The following PLEK2 variants were observed in gnomAD, a reference collection of about 807,000 sequenced individuals.
PLEK2 encodes the protein pleckstrin 2, also known as pleckstrin-2.
A neutral mutation model predicts 43.8 loss-of-function variants in PLEK2; 29 were observed. The observed-to-expected ratio is 0.66, with a 90% CI of 0.49 to 0.90. The LOEUF is 0.90. Ranked by LOEUF, PLEK2 falls within the 40% of genes least tolerant of loss-of-function variation. PLEK2 has a pLI of 0.00. For synonymous variants in PLEK2, 162 were observed against 173.2 expected, an observed-to-expected ratio of 0.94 and a Z score of 0.51; for missense variants, 398 against 448.1, an observed-to-expected ratio of 0.89 and a Z score of 1.01.
At chr14:67,410,428 T>C (rs943923145) in intron 1 of PLEK2, among the ~76,000 whole-genome samples, 9 of 152,072 alleles carry the variant, frequency 5.9e-5, no homozygotes, top group African/African-American at 1.7e-4. Context: ...AATGTGAGAT[T>C]AGGAGCTCCC....
chr14:67,395,891 C>T (rs939498616), intron 2 of PLEK2, among the ~76,000 whole-genome samples: 4 of 152,140 alleles, frequency 2.6e-5, no homozygotes, highest in African/African-American at 9.7e-5. Context: ...TATGACAGCC[C>T]CTACACTGAA....
At chr14:67,395,673 G>A (rs2086003324) in intron 2 of PLEK2, 90 bp from the exon 3 acceptor site, 1 of 1,033,660 alleles carries the variant, frequency 9.7e-7, no homozygotes, top group African/African-American at 1.6e-5. Flanking sequence ...GGAGAATCTA[G>A]GTGACAGTGA....
At chr14:67,397,597 A>G in intron 2 of PLEK2, 65 bp downstream of exon 2, 1 of 1,391,398 alleles carries the variant, frequency 7.2e-7, no homozygotes, top group Non-Finnish European at 9.8e-7. Context: ...CCACTTTCCC[A>G]AAGAGGCCAG....
At position 67,387,354 on chromosome 14, in the gene PLEK2, A is replaced by G. The variant is rs374483102; in HGVS notation, c.1037T>C (p.Ile346Thr). 46 of 1,611,144 alleles carry G rather than the reference A, an allele frequency of 2.9e-5. No individual in the cohort carries two copies. Among genetic ancestry groups the G allele is most frequent in the Non-Finnish European group, 3.6e-5 (42 of 1,179,046 alleles). ...TCATGTTAGCTTTTTGATAGCTTCAATCCACTCGGCTCGCTCAGCCTTGCT... is the reference window on the plus strand; with the variant it reads ...TCATGTTAGCTTTTTGATAGCTTCAGTCCACTCGGCTCGCTCAGCCTTGCT... The part of the protein sequence containing the change: ...ASSKAERAEW[I>T]EAIKKLT Residue 346 changes from isoleucine (I) to threonine (T), a missense_variant, in exon 9 of 9, where the codon ATT (isoleucine) becomes ACT (threonine). Coordinates refer to ENST00000216446, the MANE Select transcript of PLEK2 (RefSeq NM_016445.3).
chr14:67,407,802 A>G (rs531700915), intron 1 of PLEK2, among the ~76,000 whole-genome samples: 5 of 152,026 alleles, frequency 3.3e-5, no homozygotes, highest in African/African-American at 7.2e-5. Context: ...AAGGCTCTAT[A>G]ACCCTGAGAA....
chr14:67,394,848 T>C (rs1430942011), intron 3 of PLEK2, among the ~76,000 whole-genome samples: 5 of 152,168 alleles, frequency 3.3e-5, no homozygotes, highest in Non-Finnish European at 7.3e-5. Context: ...ATGGGACTGG[T>C]GGCTTTATAA....
chr14:67,392,337 G>C lies in PLEK2; in HGVS notation c.760C>G (p.Leu254Val), dbSNP rs755036157. Residue 254 changes from leucine (L) to valine (V), a missense_variant, in exon 6 of 9, where the codon CTG becomes GTG. Leu to Val is a conservative substitution (Grantham distance 32). Coordinates refer to ENST00000216446, the MANE Select transcript of PLEK2 (RefSeq NM_016445.3). ...LSGTVVKQGY[L>V]AKQGHKRKNW... ...CATAGCAGCCATACCTGCTTGGCCA[G>C]GTAGCCTTGTTTCACCACCGTGCCA... is the stretch of plus-strand genomic sequence containing the variant. 6.2e-7 allele frequency: 1 copy of C among 1,605,720 alleles called. No individual in the cohort carries two copies.
At chr14:67,397,525 CGGAGCCA>C in intron 2 of PLEK2, 130 bp downstream of exon 2, 1 of 677,102 alleles carries the variant, frequency 1.5e-6, no homozygotes, top group Admixed American at 3.2e-5. Flanking sequence ...TGGTATGTGG[CGGAGCCA>C]GGATTTGAAT....
At chr14:67,407,663 A>G (rs964777493) in intron 1 of PLEK2, among the ~76,000 whole-genome samples, 30 of 151,334 alleles carry the variant, frequency 2.0e-4, no homozygotes, top group Middle Eastern at 3.2e-3. Context: ...CTGCTCTCGA[A>G]CTCCTGGCCT....
At chr14:67,411,461 C>A (rs2086114588) in intron 1 of PLEK2, among the ~76,000 whole-genome samples, 1 of 152,118 alleles carries the variant, frequency 6.6e-6, no homozygotes, top group African/African-American at 2.4e-5. Flanking sequence ...AGGTTTGGGT[C>A]AACCTGAGTG....
At chr14:67,399,983 C>T (rs1053079466) in intron 1 of PLEK2, among the ~76,000 whole-genome samples, 3 of 152,188 alleles carry the variant, frequency 2.0e-5, no homozygotes, top group Admixed American at 6.5e-5. Context: ...AATCAAAGTC[C>T]GTTGCCCCAA....
In PLEK2 at chr14:67,401,314, T is replaced by C. The variant is rs116343594; in HGVS notation, c.43-3488A>G. 6.3e-3 allele frequency among the ~76,000 whole-genome samples: 964 copies of C among 152,030 alleles called. 10 individuals carry two copies. Among genetic ancestry groups the C allele is most frequent in the African/African-American group, 0.022 (921 of 41,486 alleles). On this transcript the variant is annotated intron_variant, in intron 1 of 8. Transcript: ENST00000216446. ...CCAGCCTCAGCAACATAGGAAGACC[T>C]CATCTCTATTAATAAAAATAAATAA...
intron 6 of PLEK2, 147 bp from the exon 7 acceptor site, chr14:67,390,893 T>C: frequency 1.4e-6 from 1 of 714,192 alleles, no homozygotes; most frequent in Non-Finnish European, 2.6e-6. Context: ...AACCTGAGGA[T>C]AGCAATGACA....
At chr14:67,392,635 G>A (rs1303955832) in intron 5 of PLEK2, 27 bp downstream of exon 5, 7 of 1,590,064 alleles carry the variant, frequency 4.4e-6, no homozygotes, top group Non-Finnish European at 5.2e-6. Context: ...TGCCCTGGTG[G>A]CAAGAAGAAC....
chr14:67,390,557 T>C (rs879114669), intron 7 of PLEK2, 106 bp downstream of exon 7: 1 of 743,264 alleles, frequency 1.3e-6, no homozygotes, highest in Non-Finnish European at 2.4e-6. Flanking sequence ...TTACGGCGGG[T>C]GCCAGGGGAA....
chr14:67,409,944 A>T (rs1325823450), intron 1 of PLEK2, among the ~76,000 whole-genome samples: 1 of 152,118 alleles, frequency 6.6e-6, no homozygotes, highest in Non-Finnish European at 1.5e-5. Context: ...CTGGGGCCCT[A>T]TCCTTCAGCC....
chr14:67,395,663 G>A, intron 2 of PLEK2, 80 bp from the exon 3 acceptor site: 2 of 1,145,784 alleles, frequency 1.7e-6, no homozygotes, highest in Admixed American at 1.9e-5. Context: ...CGGGGCCCCG[G>A]GAGAATCTAG....
intron 1 of PLEK2, among the ~76,000 whole-genome samples, chr14:67,406,430 G>T (rs1447076029): frequency 3.3e-5 from 5 of 152,070 alleles, no homozygotes; most frequent in Admixed American, 2.6e-4. Context: ...GTGGAGTTAG[G>T]CAGGTCAGGA....
intron 1 of PLEK2, among the ~76,000 whole-genome samples, chr14:67,398,339 C>A (rs930348201): frequency 1.3e-5 from 2 of 152,112 alleles, no homozygotes; most frequent in Non-Finnish European, 2.9e-5. Context: ...ATCCTCCCAC[C>A]TCAGAAAGGG....
Sources: allele counts gnomAD v4.1 joint callset (sites outside exome capture counted in the v4.1 genomes callset), GRCh38; gene constraint gnomAD v4.1.1; transcripts MANE v1.5; gene names NCBI Gene and HGNC (gene_info 2026-07-23, HGNC 2026-07-21).